Variants in ABCA13 observed in about 807,000 individuals in gnomAD.
ABCA13 encodes the protein ATP-binding cassette sub-family A member 13.
Under a neutral mutation model 478.7 loss-of-function variants are expected in ABCA13, and 476 were observed. The ratio of observed to expected loss-of-function variants is 0.99; its 90% CI spans 0.92 to 1.07. The LOEUF is 1.07. Among genes scored for constraint, ABCA13 ranks in the 50% least tolerant of loss-of-function variants. The probability of loss-of-function intolerance (pLI) is 0.00; values close to 1 mark genes in which losing one functional copy is unlikely to be tolerated. For synonymous variants in ABCA13, 2,252 were observed against 2,158.9 expected, an observed-to-expected ratio of 1.04 and a Z score of -1.20; for missense variants, 6,060 against 5,910.6, an observed-to-expected ratio of 1.03 and a Z score of -0.83.
At chr7:48,601,994 T>A (rs1169255938) in intron 58 of ABCA13, among the ~76,000 whole-genome samples, 1 of 152,242 alleles carries the variant, frequency 6.6e-6, no homozygotes, top group Non-Finnish European at 1.5e-5. Flanking sequence ...CTTTTTTTCA[T>A]ATGTTTGTTG....
intron 27 of ABCA13, among the ~76,000 whole-genome samples, chr7:48,324,630 G>T (rs1279324673): frequency 6.6e-6 from 1 of 152,166 alleles, no homozygotes; most frequent in Admixed American, 6.5e-5. Flanking sequence ...AGGCTAGTTT[G>T]CTAATTACTA....
In ABCA13 at chr7:48,275,690, G is replaced by T; in HGVS notation, c.6024G>T (p.Leu2008Phe). 6.3e-7 allele frequency: 1 copy of T among 1,598,682 alleles called. No homozygotes were observed. Among genetic ancestry groups the T allele is most frequent in the South Asian group, 1.1e-5 (1 of 89,082 alleles). Residue 2008 changes from leucine to phenylalanine, a missense_variant, in exon 17 of 62, where the codon TTG (leucine) becomes TTT (phenylalanine). This residue lies in a region of ABCA13 where 4,423 missense variants were observed against 4,309.1 expected (regional missense o/e 1.03). Transcript: ENST00000435803. ...CAAATTTGGAAAGGACAGTACAATT[G>T]ATTTCTGAAGACTGGAGCCTAGAAA... ...ISSNLERTVQ[L>F]ISEDWSLEKS...
intron 42 of ABCA13, among the ~76,000 whole-genome samples, chr7:48,429,247 A>T (rs550332207): frequency 6.6e-6 from 1 of 152,310 alleles, no homozygotes; most frequent in Admixed American, 6.5e-5. Context: ...ACTATTATGA[A>T]CATTTATATA....
chr7:48,325,687 A>G (rs572181623), intron 27 of ABCA13, among the ~76,000 whole-genome samples: 1 of 152,206 alleles, frequency 6.6e-6, no homozygotes, highest in African/African-American at 2.4e-5. Context: ...AATTATTACT[A>G]TAAAAAGGCA....
At chr7:48,519,551 C>T (rs1367218930) in intron 52 of ABCA13, among the ~76,000 whole-genome samples, 1 of 152,206 alleles carries the variant, frequency 6.6e-6, no homozygotes, top group African/African-American at 2.4e-5. Context: ...GTCTTTCCCA[C>T]TGGTGAGGCT....
intron 45 of ABCA13, among the ~76,000 whole-genome samples, chr7:48,473,763 G>T (rs1052767626): frequency 6.6e-6 from 1 of 152,156 alleles, no homozygotes; most frequent in African/African-American, 2.4e-5. Flanking sequence ...CTCTGGGCCT[G>T]ATTATTTAAA....
At chr7:48,527,647 CGA>C (rs1379300084) in intron 54 of ABCA13, among the ~76,000 whole-genome samples, 1 of 152,110 alleles carries the variant, frequency 6.6e-6, no homozygotes, top group African/African-American at 2.4e-5. Flanking sequence ...GAATATAGAA[CGA>C]GAGTTTCTCT....
intron 3 of ABCA13, among the ~76,000 whole-genome samples, chr7:48,208,732 T>A (rs1785245413): frequency 6.6e-6 from 1 of 152,180 alleles, no homozygotes; most frequent in East Asian, 1.9e-4. Flanking sequence ...TTTCTAAATA[T>A]GAGATCATGT....
chr7:48,226,483 T>G (rs1211895093), intron 5 of ABCA13, among the ~76,000 whole-genome samples: 1 of 152,218 alleles, frequency 6.6e-6, no homozygotes, highest in Non-Finnish European at 1.5e-5. Flanking sequence ...TTGTTTGTTT[T>G]AACTCTATCT....
intron 4 of ABCA13, 98 bp downstream of exon 4, chr7:48,219,603 C>T: frequency 7.0e-7 from 1 of 1,433,302 alleles, no homozygotes; most frequent in Non-Finnish European, 9.4e-7. Context: ...ATGCTCAACT[C>T]CTGCCTGTGC....
chr7:48,555,762 A>C (rs553572471), intron 55 of ABCA13, among the ~76,000 whole-genome samples: 24 of 151,666 alleles, frequency 1.6e-4, no homozygotes, highest in Non-Finnish European at 3.2e-4. Flanking sequence ...TCAAAAAACA[A>C]ATTTTTATTT....
intron 58 of ABCA13, among the ~76,000 whole-genome samples, chr7:48,612,657 C>T (rs1435142121): frequency 2.0e-5 from 3 of 152,192 alleles, no homozygotes; most frequent in Non-Finnish European, 4.4e-5. Context: ...TATTCTCCTA[C>T]TGTGAAACAT....
intron 37 of ABCA13, among the ~76,000 whole-genome samples, chr7:48,389,681 C>CA (rs1347715096): frequency 6.6e-5 from 10 of 152,086 alleles, no homozygotes; most frequent in Admixed American, 6.5e-4. Flanking sequence ...GTTCTTTTCT[C>CA]ATTAAGGGTA....
At chr7:48,606,085 C>T (rs1392784745) in intron 58 of ABCA13, among the ~76,000 whole-genome samples, 3 of 152,154 alleles carry the variant, frequency 2.0e-5, no homozygotes, top group Non-Finnish European at 4.4e-5. Context: ...TTCTTCTCTA[C>T]ACTGATTATT....
At chr7:48,568,961 A>G (rs762160773) in intron 55 of ABCA13, among the ~76,000 whole-genome samples, 12 of 151,854 alleles carry the variant, frequency 7.9e-5, no homozygotes, top group Non-Finnish European at 1.5e-4. Flanking sequence ...TTTCTTTAAG[A>G]TTGGTAGAAA....
chr7:48,282,045 A>T (rs908972697), intron 19 of ABCA13, among the ~76,000 whole-genome samples: 2 of 152,192 alleles, frequency 1.3e-5, no homozygotes, highest in Non-Finnish European at 2.9e-5. Context: ...CTGTAAGCTT[A>T]CTGGGAACAG....
At chr7:48,528,466 C>A in intron 55 of ABCA13, 121 bp downstream of exon 55, 1 of 662,858 alleles carries the variant, frequency 1.5e-6, no homozygotes, top group Non-Finnish European at 2.4e-6. Flanking sequence ...CCAAATTTAC[C>A]TTCCAATTAC....
chr7:48,371,111 G>C (rs1298903826), intron 32 of ABCA13, among the ~76,000 whole-genome samples: 4 of 152,114 alleles, frequency 2.6e-5, no homozygotes, highest in Non-Finnish European at 5.9e-5. Context: ...TTATTTCTGA[G>C]ATCTCTATTC....
intron 44 of ABCA13, among the ~76,000 whole-genome samples, chr7:48,469,414 G>C (rs1221693028): frequency 6.6e-6 from 1 of 152,174 alleles, no homozygotes; most frequent in African/African-American, 2.4e-5. Context: ...TATAGGACCA[G>C]TCTTCCTGAA....
Sources: gnomAD v4.1 joint callset for allele counts (sites outside exome capture counted in the v4.1 genomes callset) on GRCh38, gnomAD v4.1.1 for gene constraint, gnomAD v4.1.1 regional missense constraint, MANE v1.5 for transcripts, NCBI Gene and HGNC (gene_info 2026-07-23, HGNC 2026-07-21) for gene names.